Variants in NTNG1 observed in about 807,000 individuals in gnomAD.
The protein encoded by NTNG1 is netrin G1, also known as netrin-G1.
Under a neutral mutation model 54.0 loss-of-function variants are expected in NTNG1, and 16 were observed. The observed-to-expected ratio is 0.30, with a 90% confidence interval of 0.20 to 0.45. NTNG1 has a LOEUF of 0.45. Ranked by LOEUF, NTNG1 falls within the 20% of genes least tolerant of loss-of-function variation. NTNG1 has a pLI of 1.00. For synonymous variants in NTNG1, 255 were observed against 263.1 expected (o/e 0.97, Z 0.30); for missense variants, 530 against 678.7 (o/e 0.78, Z 2.43).
intron 3 of NTNG1, among the ~76,000 whole-genome samples, chr1:107,339,639 T>C (rs548087639): frequency 3.9e-5 from 6 of 152,208 alleles, no homozygotes; most frequent in South Asian, 2.1e-4. Context: ...GAAATGACTT[T>C]GTTAGCTTTG....
chr1:107,159,781 T>C (rs549509293), intron 2 of NTNG1, among the ~76,000 whole-genome samples: 1 of 152,306 alleles, frequency 6.6e-6, no homozygotes, highest in African/African-American at 2.4e-5. Flanking sequence ...CTCAGAAAAT[T>C]GGATTGTGTA....
intron 3 of NTNG1, among the ~76,000 whole-genome samples, chr1:107,384,064 T>C (rs1206544801): frequency 6.6e-6 from 1 of 152,182 alleles, no homozygotes; most frequent in Admixed American, 6.5e-5. Context: ...CAGCACTCCT[T>C]ATCTAACCAG....
intron 2 of NTNG1, among the ~76,000 whole-genome samples, chr1:107,154,855 A>G (rs1471441080): frequency 1.3e-5 from 2 of 152,066 alleles, no homozygotes; most frequent in African/African-American, 4.8e-5. Flanking sequence ...AGTAAAACAA[A>G]TGTGGCTTAT....
At chr1:107,374,249 G>C (rs1240568681) in intron 3 of NTNG1, among the ~76,000 whole-genome samples, 1 of 151,970 alleles carries the variant, frequency 6.6e-6, no homozygotes, top group Non-Finnish European at 1.5e-5. Flanking sequence ...TTTTATTCTT[G>C]AGGTTCATGA....
intron 3 of NTNG1, among the ~76,000 whole-genome samples, chr1:107,355,268 C>A (rs1407247836): frequency 6.8e-6 from 1 of 147,992 alleles, no homozygotes; most frequent in Non-Finnish European, 1.5e-5. Flanking sequence ...TTTTTTTTAA[C>A]TTTTTTATTG....
chr1:107,452,918 C>T (rs1175390090), intron 7 of NTNG1, among the ~76,000 whole-genome samples: 1 of 152,136 alleles, frequency 6.6e-6, no homozygotes, highest in Non-Finnish European at 1.5e-5. Context: ...GAAAGTCCAT[C>T]CTTTACTGAG....
At chr1:107,410,478 A>G (rs1341115173) in intron 5 of NTNG1, 1 of 152,166 alleles carries the variant, frequency 6.6e-6, no homozygotes, top group Non-Finnish European at 1.5e-5. Context: ...AATCCTAAGG[A>G]TACTTGACTT....
chr1:107,338,587 C>G (rs937680562), intron 3 of NTNG1, among the ~76,000 whole-genome samples: 4 of 151,928 alleles, frequency 2.6e-5, no homozygotes, highest in African/African-American at 9.7e-5. Context: ...AATTTATCCT[C>G]TTCCATGATT....
intron 2 of NTNG1, among the ~76,000 whole-genome samples, chr1:107,166,581 A>G (rs1655813583): frequency 6.6e-6 from 1 of 152,200 alleles, no homozygotes; most frequent in Admixed American, 6.5e-5. Flanking sequence ...CACAAATCAT[A>G]AGTACTTAAC....
intron 2 of NTNG1, among the ~76,000 whole-genome samples, chr1:107,294,248 T>C (rs1383095201): frequency 1.3e-5 from 2 of 152,238 alleles, no homozygotes; most frequent in Non-Finnish European, 1.5e-5. Context: ...TGAGGTGAGA[T>C]ATAAGTGCTT....
chr1:107,415,594 C>T (rs925394794), intron 5 of NTNG1, among the ~76,000 whole-genome samples: 12 of 152,042 alleles, frequency 7.9e-5, no homozygotes, highest in African/African-American at 2.7e-4. Flanking sequence ...TCCCAGTGCC[C>T]TTTGCCTTGT....
intron 5 of NTNG1, among the ~76,000 whole-genome samples, chr1:107,430,242 T>C (rs987029687): frequency 6.6e-6 from 1 of 152,104 alleles, no homozygotes; most frequent in Non-Finnish European, 1.5e-5. Context: ...TTTGCCATGA[T>C]GTATATGAAA....
intron 1 of NTNG1, among the ~76,000 whole-genome samples, chr1:107,142,790 G>C (rs1283241517): frequency 2.0e-5 from 3 of 150,596 alleles, no homozygotes; most frequent in African/African-American, 7.3e-5. Context: ...TTCAGGGGAG[G>C]CTTTTCTGTT....
Position 107,148,575 on chromosome 1 carries a change from G to T in NTNG1, c.-19G>T, listed in dbSNP as rs377509782. On this transcript the variant is annotated 5_prime_UTR_variant, in exon 2 of 8. Transcript: ENST00000370068. The stretch of plus-strand genomic sequence containing the variant: ...CAAGCTCTGCTTTAGTTTCCAAGAA[G>T]ATTACAAAGAATTTAGAGATGTATT... 1.6e-5 allele frequency: 25 copies of T among 1,610,562 alleles called. No homozygotes were observed. The African/African-American group carries it at 2.5e-4, about 16-fold the overall frequency.
intron 5 of NTNG1, chr1:107,407,961 C>T: frequency 4.3e-6 from 3 of 689,820 alleles, no homozygotes; most frequent in East Asian, 2.8e-5. Flanking sequence ...GTGAGGGCTA[C>T]CTAGACTCAG....
chr1:107,480,485 G>C lies in NTNG1; in HGVS notation c.1391-126G>C, dbSNP rs1204822820. ...ACGGGCTTCGTTTGTGGAGGGGAGG[G>C]GGGAGCACAAAGATCGATAGAGATT... On this transcript the variant is annotated intron_variant, in intron 7 of 7. Transcript: ENST00000370068. 1.4e-5 allele frequency: 9 copies of C among 628,238 alleles called. No individual in the cohort carries two copies. The East Asian group carries it at 2.2e-4, about 15-fold the overall frequency. 38.9% of individuals were successfully genotyped at this position (628,238 alleles called of 1,614,324 possible). A position where few individuals can be genotyped will look rare whatever the true frequency, so the allele number is the denominator to read the frequency against.
At chr1:107,196,899 T>A (rs1009766281) in intron 2 of NTNG1, among the ~76,000 whole-genome samples, 7 of 151,916 alleles carry the variant, frequency 4.6e-5, no homozygotes, top group East Asian at 3.9e-4. Context: ...TCTATAATAG[T>A]GTCAGACTAA....
At chr1:107,460,399 A>G (rs765026709) in intron 7 of NTNG1, 9 of 518,758 alleles carry the variant, frequency 1.7e-5, no homozygotes, top group Non-Finnish European at 3.5e-5. Flanking sequence ...ATAATATTTT[A>G]CCAGGCAGGA....
At chr1:107,321,417 A>G (rs1432264363) in intron 2 of NTNG1, among the ~76,000 whole-genome samples, 1 of 151,984 alleles carries the variant, frequency 6.6e-6, no homozygotes, top group Non-Finnish European at 1.5e-5. Flanking sequence ...TGGCTGATCC[A>G]CTCAGCCTCA....
Sources: allele counts gnomAD v4.1 joint callset (sites outside exome capture counted in the v4.1 genomes callset), GRCh38; gene constraint gnomAD v4.1.1; transcripts MANE v1.5; gene names NCBI Gene and HGNC (gene_info 2026-07-23, HGNC 2026-07-21).